The following DOCK8 variants were observed in gnomAD, a reference collection of about 807,000 sequenced individuals.
The protein encoded by DOCK8 is dedicator of cytokinesis protein 8.
DOCK8 carries 141 observed loss-of-function variants against 245.6 expected under a neutral mutation model. That is an observed-to-expected ratio of 0.57 (90% CI 0.50 to 0.66). The LOEUF (loss-of-function observed/expected upper bound fraction) is 0.66. Ranked by LOEUF, DOCK8 falls within the 30% of genes least tolerant of loss-of-function variation. The probability of loss-of-function intolerance (pLI) is 0.00; values close to 1 mark genes in which losing one functional copy is unlikely to be tolerated. For missense variants in DOCK8, 2,965 were observed against 2,603.4 expected, an observed-to-expected ratio of 1.14 and a Z score of -3.02; for synonymous variants, 1,168 against 970.2, an observed-to-expected ratio of 1.20 and a Z score of -3.79.
chr9:231,154 A>G (rs1406393022), intron 1 of DOCK8, among the ~76,000 whole-genome samples: 2 of 151,396 alleles, frequency 1.3e-5, no homozygotes, highest in Non-Finnish European at 2.9e-5. Flanking sequence ...TTTATTAAAT[A>G]GGGAATCCTT....
chr9:400,815 C>T (rs1357966952), intron 26 of DOCK8, among the ~76,000 whole-genome samples: 3 of 98,296 alleles, frequency 3.1e-5, no homozygotes, highest in Non-Finnish European at 6.0e-5. Flanking sequence ...ACCATCACCA[C>T]CACCTCCACC....
At chr9:358,228 G>T (rs1316703732) in intron 14 of DOCK8, among the ~76,000 whole-genome samples, 1 of 152,062 alleles carries the variant, frequency 6.6e-6, no homozygotes, top group Non-Finnish European at 1.5e-5. Flanking sequence ...GGGATTACAG[G>T]CATACACCAC....
intron 6 of DOCK8, among the ~76,000 whole-genome samples, chr9:314,622 T>C (rs1465969727): frequency 6.6e-6 from 1 of 152,204 alleles, no homozygotes; most frequent in Non-Finnish European, 1.5e-5. Flanking sequence ...ATTTGTAAAC[T>C]GGCGTGTCTA....
chr9:338,332 G>A (rs1236635526), intron 12 of DOCK8, among the ~76,000 whole-genome samples: 1 of 152,158 alleles, frequency 6.6e-6, no homozygotes, highest in Non-Finnish European at 1.5e-5. Context: ...GATGCTGAGG[G>A]CGCCTGTGCA....
chr9:352,157 T>C (rs1440081110), intron 14 of DOCK8, among the ~76,000 whole-genome samples: 2 of 152,044 alleles, frequency 1.3e-5, no homozygotes, highest in African/African-American at 4.8e-5. Context: ...GACACACAGC[T>C]CTAGAGATAG....
At chr9:331,515 C>T (rs989429031) in intron 9 of DOCK8, among the ~76,000 whole-genome samples, 2 of 152,152 alleles carry the variant, frequency 1.3e-5, no homozygotes, top group African/African-American at 2.4e-5. Flanking sequence ...AGTATGTGTC[C>T]CTTTTGTACT....
intron 33 of DOCK8, among the ~76,000 whole-genome samples, chr9:423,722 A>G (rs765345670): frequency 3.3e-5 from 5 of 152,204 alleles, no homozygotes; most frequent in Non-Finnish European, 7.3e-5. Flanking sequence ...ACTGATTTAT[A>G]AAATACTTGG....
intron 1 of DOCK8, among the ~76,000 whole-genome samples, chr9:229,240 A>G (rs2047053211): frequency 6.6e-6 from 1 of 152,110 alleles, no homozygotes; most frequent in African/African-American, 2.4e-5. Flanking sequence ...AGATTTCAGA[A>G]TGTTTAATCA....
At chr9:374,326 T>G (rs2053425563) in intron 18 of DOCK8, among the ~76,000 whole-genome samples, 1 of 152,156 alleles carries the variant, frequency 6.6e-6, no homozygotes, top group South Asian at 2.1e-4. Flanking sequence ...ATGCAACAGA[T>G]TTCAAAAACT....
intron 10 of DOCK8, among the ~76,000 whole-genome samples, chr9:333,357 T>G (rs1356785162): frequency 1.3e-5 from 2 of 152,172 alleles, no homozygotes; most frequent in Non-Finnish European, 2.9e-5. Flanking sequence ...ATCCCAGCAC[T>G]TTGGGAGGCC....
intron 46 of DOCK8, among the ~76,000 whole-genome samples, chr9:461,708 A>C (rs1221413515): frequency 6.6e-6 from 1 of 151,380 alleles, no homozygotes; most frequent in African/African-American, 2.4e-5. Flanking sequence ...TACCCAGCTA[A>C]TTTTTATATT....
chr9:395,616 G>C (rs1311655802), intron 24 of DOCK8, among the ~76,000 whole-genome samples: 1 of 152,024 alleles, frequency 6.6e-6, no homozygotes, highest in Non-Finnish European at 1.5e-5. Context: ...AACGTTTTCA[G>C]AGTGTAGGGA....
rs753284430 is a variant in DOCK8, at chr9:304,718, A to G, written c.528+14A>G. On this transcript the variant is annotated intron_variant, in intron 5 of 47. Transcript: ENST00000432829. The stretch of plus-strand genomic sequence containing the variant: ...CCCGCTGCTCAGGTATTTCCTGTCA[A>G]CAAACATGGTTACCAGGTTACTGGG... 2 of 1,614,136 alleles carry G rather than the reference A, an allele frequency of 1.2e-6. No individual in the cohort carries two copies. The highest frequency in any genetic ancestry group is 1.1e-5 in the South Asian group (1 of 91,078).
At chr9:444,739 C>T (rs1388498196) in intron 43 of DOCK8, among the ~76,000 whole-genome samples, 1 of 152,178 alleles carries the variant, frequency 6.6e-6, no homozygotes, top group Non-Finnish European at 1.5e-5. Context: ...CAAAGACACC[C>T]ATCACTGAGG....
At chr9:211,929 G>A (rs1234325677), upstream of DOCK8, among the ~76,000 whole-genome samples, 1 of 152,180 alleles carries the variant, frequency 6.6e-6, no homozygotes, top group African/African-American at 2.4e-5. Flanking sequence ...GAGATAGCTA[G>A]CTTCCAGTTA....
At chr9:259,493 A>G (rs575045668) in intron 1 of DOCK8, among the ~76,000 whole-genome samples, 3 of 152,312 alleles carry the variant, frequency 2.0e-5, no homozygotes, top group African/African-American at 7.2e-5. Flanking sequence ...TTGGAGTCAG[A>G]TAGTCTTGGG....
chr9:289,416 T>C, intron 3 of DOCK8, 94 bp from the exon 4 acceptor site: 2 of 987,504 alleles, frequency 2.0e-6, no homozygotes, highest in South Asian at 2.6e-5. Context: ...CTGATAAGGA[T>C]TTAAATTCGT....
At chr9:385,016 C>G (rs1307435146) in intron 22 of DOCK8, among the ~76,000 whole-genome samples, 3 of 152,230 alleles carry the variant, frequency 2.0e-5, no homozygotes, top group African/African-American at 7.2e-5. Flanking sequence ...TATTCGTATT[C>G]TATCCTTTTT....
At chr9:425,100 A>G (rs1681793133) in intron 33 of DOCK8, among the ~76,000 whole-genome samples, 1 of 152,258 alleles carries the variant, frequency 6.6e-6, no homozygotes, top group Admixed American at 6.5e-5. Context: ...AACAAAATAT[A>G]TTAAAAATAA....
Sources: allele counts gnomAD v4.1 joint callset (sites outside exome capture counted in the v4.1 genomes callset), GRCh38; gene constraint gnomAD v4.1.1; transcripts MANE v1.5; gene names NCBI Gene and HGNC (gene_info 2026-07-23, HGNC 2026-07-21).